The following ZRANB3 variants were observed in gnomAD, a reference collection of about 807,000 sequenced individuals.
The protein encoded by ZRANB3 is DNA annealing helicase and endonuclease ZRANB3.
A neutral mutation model predicts 133.8 loss-of-function variants in ZRANB3; 125 were observed. The observed-to-expected ratio is 0.93, with a 90% CI of 0.81 to 1.08. The LOEUF is 1.08. Ranked by LOEUF, ZRANB3 falls within the 50% of genes least tolerant of loss-of-function variation. The probability of loss-of-function intolerance (pLI) is 0.00; values close to 1 mark genes in which losing one functional copy is unlikely to be tolerated. For missense variants in ZRANB3, 1,229 were observed against 1,275.5 expected (o/e 0.96, Z 0.56); for synonymous variants, 387 against 432.7 (o/e 0.89, Z 1.31).
At chr2:135,267,725 A>G (rs893476092) in intron 11 of ZRANB3, among the ~76,000 whole-genome samples, 2 of 152,220 alleles carry the variant, frequency 1.3e-5, no homozygotes, top group African/African-American at 2.4e-5. Flanking sequence ...CTTAACCAAC[A>G]TATGATCGGC....
At chr2:135,209,759 T>A (rs1694020607) in intron 17 of ZRANB3, among the ~76,000 whole-genome samples, 1 of 152,202 alleles carries the variant, frequency 6.6e-6, no homozygotes, top group South Asian at 2.1e-4. Flanking sequence ...TTTTGGAAAT[T>A]AGTTTAAACA....
intron 12 of ZRANB3, among the ~76,000 whole-genome samples, chr2:135,259,018 T>C (rs539115790): frequency 7.2e-5 from 11 of 152,310 alleles, no homozygotes; most frequent in Middle Eastern, 3.4e-3. Context: ...GTTTTCTTTT[T>C]GAATTTTGAG....
chr2:135,345,876 A>AT (rs1422918877), intron 5 of ZRANB3, among the ~76,000 whole-genome samples: 10 of 152,214 alleles, frequency 6.6e-5, no homozygotes, highest in Non-Finnish European at 1.5e-5. Flanking sequence ...AAGGAGGATC[A>AT]TATCATATAT....
rs201179629 is a variant in ZRANB3 at position 135,390,824 on chromosome 2, G to GAA, written c.162-6_162-5dup. ...TACTTCATCAGCCACCATACACCTG[G>GAA]AAAAAAAAAAAAAAAAAAATTAATT... On this transcript the variant is annotated splice_region_variant and splice_polypyrimidine_tract_variant and intron_variant, in intron 2 of 20. Coordinates refer to ENST00000264159, the MANE Select transcript of ZRANB3 (RefSeq NM_032143.4). 1.9e-3 allele frequency: 2,476 copies of GAA among 1,288,912 alleles called. No homozygotes were observed. The highest frequency in any genetic ancestry group is 2.7e-3 in the South Asian group (171 of 63,744). The allele number at this position is 1,288,912 out of a possible 1,614,324, so 79.8% of individuals were successfully genotyped here. A position where few individuals can be genotyped will look rare whatever the true frequency, so the allele number is the denominator to read the frequency against.
intron 1 of ZRANB3, among the ~76,000 whole-genome samples, chr2:135,521,471 A>G (rs1388609680): frequency 6.6e-6 from 1 of 151,938 alleles, no homozygotes; most frequent in African/African-American, 2.4e-5. Flanking sequence ...GGCAGACATT[A>G]CGGTGAGCCA....
chr2:135,377,737 A>C (rs982296874), intron 3 of ZRANB3, among the ~76,000 whole-genome samples: 1 of 152,232 alleles, frequency 6.6e-6, no homozygotes, highest in African/African-American at 2.4e-5. Flanking sequence ...TTATGTATTT[A>C]CTCCAGCTTT....
At chr2:135,484,611 G>C (rs1183823393) in intron 2 of ZRANB3, among the ~76,000 whole-genome samples, 3 of 150,728 alleles carry the variant, frequency 2.0e-5, no homozygotes, top group Admixed American at 6.6e-5. Flanking sequence ...GAAAAAATTG[G>C]GAGAAATCTA....
At chr2:135,348,255 T>A (rs1182803577) in intron 5 of ZRANB3, among the ~76,000 whole-genome samples, 1 of 146,858 alleles carries the variant, frequency 6.8e-6, no homozygotes, top group Non-Finnish European at 1.5e-5. Context: ...TGAGACTCTG[T>A]CTCAAAAAAA....
At chr2:135,381,748 T>C (rs1234786020) in intron 3 of ZRANB3, among the ~76,000 whole-genome samples, 1 of 152,168 alleles carries the variant, frequency 6.6e-6, no homozygotes, top group Non-Finnish European at 1.5e-5. Flanking sequence ...GGAGTGGACC[T>C]CCAGCAACTT....
chr2:135,317,889 G>C (rs1166021389), intron 6 of ZRANB3, among the ~76,000 whole-genome samples: 3 of 152,152 alleles, frequency 2.0e-5, no homozygotes, highest in Non-Finnish European at 2.9e-5. Flanking sequence ...TCGAATGCTA[G>C]TGGTGGCGTT....
intron 2 of ZRANB3, among the ~76,000 whole-genome samples, chr2:135,499,953 T>C (rs1270678203): frequency 1.3e-5 from 2 of 152,160 alleles, no homozygotes; most frequent in African/African-American, 4.8e-5. Flanking sequence ...ATATGACTAG[T>C]GTCCATATAA....
chr2:135,269,807 G>A (rs1397938315), intron 10 of ZRANB3, among the ~76,000 whole-genome samples: 2 of 152,110 alleles, frequency 1.3e-5, no homozygotes, highest in African/African-American at 4.8e-5. Flanking sequence ...GTCCAAAAAT[G>A]CATGACTTTA....
intron 2 of ZRANB3, among the ~76,000 whole-genome samples, chr2:135,479,724 G>A (rs910783856): frequency 1.3e-5 from 2 of 151,878 alleles, no homozygotes; most frequent in Non-Finnish European, 2.9e-5. Flanking sequence ...CAGACACGGA[G>A]AGCCAAGTCT....
At chr2:135,417,722 C>T (rs1012426147) in intron 2 of ZRANB3, among the ~76,000 whole-genome samples, 2 of 152,148 alleles carry the variant, frequency 1.3e-5, no homozygotes, top group African/African-American at 4.8e-5. Context: ...AAATGTCCAA[C>T]AATGATAGGC....
At chr2:135,220,966 C>T (rs1488270273) in intron 15 of ZRANB3, among the ~76,000 whole-genome samples, 2 of 151,158 alleles carry the variant, frequency 1.3e-5, no homozygotes, top group African/African-American at 2.4e-5. Flanking sequence ...AAGCGATTCT[C>T]CTGCCTCAGC....
In ZRANB3 at chr2:135,404,006, AC is replaced by A. The variant is rs1015989585; in HGVS notation, c.162-13187del. The stretch of plus-strand genomic sequence containing the variant: ...ATAAAACCACAAAGATGGGGAAAAA[AC>A]AGAGCAGAAAAACTGGAAACTCTAA... On this transcript the variant is annotated intron_variant, in intron 2 of 20. Transcript: ENST00000264159. 4.8e-4 allele frequency among the ~76,000 whole-genome samples: 73 copies of A among 152,182 alleles called. 1 individual carries two copies. The highest frequency in any genetic ancestry group is 8.8e-5 in the Non-Finnish European group (6 of 68,030).
intron 6 of ZRANB3, chr2:135,345,087 A>T (rs1684855098): frequency 6.6e-6 from 1 of 152,268 alleles, no homozygotes; most frequent in Non-Finnish European, 1.5e-5. Context: ...CAAAAATAAA[A>T]AGTAGAAAGT....
chr2:135,386,488 C>T (rs1206874995), intron 3 of ZRANB3, among the ~76,000 whole-genome samples: 1 of 152,210 alleles, frequency 6.6e-6, no homozygotes, highest in African/African-American at 2.4e-5. Context: ...GATCCCATTA[C>T]TGGGTATATA....
intron 15 of ZRANB3, 130 bp from the exon 16 acceptor site, chr2:135,219,308 C>A: frequency 1.6e-6 from 1 of 616,614 alleles, no homozygotes; most frequent in Non-Finnish European, 2.6e-6. Context: ...GTGACACATT[C>A]TAGACAAGGG....
Sources: gnomAD v4.1 joint callset for allele counts (sites outside exome capture counted in the v4.1 genomes callset) on GRCh38, gnomAD v4.1.1 for gene constraint, MANE v1.5 for transcripts, NCBI Gene and HGNC (gene_info 2026-07-23, HGNC 2026-07-21) for gene names.